The following INPP4B variants were observed in gnomAD, a reference collection of about 807,000 sequenced individuals.
The protein encoded by INPP4B is inositol polyphosphate 4-phosphatase type II.
INPP4B carries 55 observed loss-of-function variants against 122.5 expected under a neutral mutation model. The ratio of observed to expected loss-of-function variants is 0.45; its 90% CI spans 0.36 to 0.56. The LOEUF is 0.56. INPP4B is among the 20% of genes least tolerant of loss of function. INPP4B has a pLI of 0.00. For missense variants in INPP4B, 1,000 were observed against 1,097.7 expected, an observed-to-expected ratio of 0.91 and a Z score of 1.26; for synonymous variants, 403 against 388.7, an observed-to-expected ratio of 1.04 and a Z score of -0.43.
chr4:142,476,499 T>G (rs1353788686), intron 2 of INPP4B, among the ~76,000 whole-genome samples: 1 of 151,990 alleles, frequency 6.6e-6, no homozygotes, highest in Non-Finnish European at 1.5e-5. Flanking sequence ...GACTGAATGT[T>G]CCAATTAAAA....
At chr4:142,293,069 G>C (rs754755151) in intron 9 of INPP4B, among the ~76,000 whole-genome samples, 1 of 134,134 alleles carries the variant, frequency 7.5e-6, no homozygotes, top group Non-Finnish European at 1.6e-5. Flanking sequence ...ACAGAGTCTT[G>C]CTCTTGTCAC....
intron 18 of INPP4B, among the ~76,000 whole-genome samples, chr4:142,139,146 G>C (rs1473099661): frequency 6.6e-6 from 1 of 152,140 alleles, no homozygotes; most frequent in Non-Finnish European, 1.5e-5. Flanking sequence ...TGGATACAGT[G>C]ACTGGAACAG....
At chr4:142,679,006 G>C (rs780130465) in intron 2 of INPP4B, among the ~76,000 whole-genome samples, 1 of 151,808 alleles carries the variant, frequency 6.6e-6, no homozygotes, top group Non-Finnish European at 1.5e-5. Flanking sequence ...TAAAGTTTAA[G>C]GAAGAAGTCA....
At chr4:142,678,762 G>A (rs1758168533) in intron 2 of INPP4B, among the ~76,000 whole-genome samples, 1 of 151,914 alleles carries the variant, frequency 6.6e-6, no homozygotes, top group Non-Finnish European at 1.5e-5. Flanking sequence ...TTAAACATGA[G>A]TAGCTGATCT....
intron 23 of INPP4B, among the ~76,000 whole-genome samples, chr4:142,096,986 T>C (rs958988818): frequency 2.0e-5 from 3 of 152,110 alleles, no homozygotes; most frequent in African/African-American, 7.2e-5. Flanking sequence ...TAGGTCAGTA[T>C]TTCTTAATCT....
At chr4:142,444,420 T>C (rs1812469210) in intron 3 of INPP4B, among the ~76,000 whole-genome samples, 1 of 152,132 alleles carries the variant, frequency 6.6e-6, no homozygotes, top group African/African-American at 2.4e-5. Flanking sequence ...TCATCTTTAC[T>C]GGTCATTAGA....
chr4:142,552,163 T>C (rs1728127833), intron 2 of INPP4B, among the ~76,000 whole-genome samples: 1 of 152,180 alleles, frequency 6.6e-6, no homozygotes, highest in Admixed American at 6.5e-5. Flanking sequence ...TTGAATGCTT[T>C]TGGCAGAAAA....
intron 7 of INPP4B, among the ~76,000 whole-genome samples, chr4:142,324,451 G>A (rs750839892): frequency 6.6e-6 from 1 of 152,050 alleles, no homozygotes; most frequent in Non-Finnish European, 1.5e-5. Context: ...CATTATACCT[G>A]ACACAGCCTC....
chr4:142,597,081 A>G (rs1327894515), intron 2 of INPP4B, among the ~76,000 whole-genome samples: 1 of 152,230 alleles, frequency 6.6e-6, no homozygotes, highest in Admixed American at 6.5e-5. Flanking sequence ...CTCTCAAAAC[A>G]CAGAGATATA....
At chr4:142,394,035 A>C (rs971420133) in intron 7 of INPP4B, among the ~76,000 whole-genome samples, 1 of 152,240 alleles carries the variant, frequency 6.6e-6, no homozygotes, top group African/African-American at 2.4e-5. Flanking sequence ...GCAGTAGATA[A>C]TATGGTTTTT....
chr4:142,293,085 C>A (rs1158226996), intron 9 of INPP4B, among the ~76,000 whole-genome samples: 2 of 146,744 alleles, frequency 1.4e-5, no homozygotes, highest in Non-Finnish European at 3.0e-5. Context: ...GTCACCCAGA[C>A]TGGAGTGCAA....
intron 1 of INPP4B, among the ~76,000 whole-genome samples, chr4:142,771,214 T>G (rs1025659003): frequency 6.6e-6 from 1 of 152,064 alleles, no homozygotes; most frequent in Non-Finnish European, 1.5e-5. Flanking sequence ...TGGGTAAATG[T>G]CACCATACCA....
At chr4:142,065,849 A>G (rs1763244609) in intron 25 of INPP4B, among the ~76,000 whole-genome samples, 1 of 152,178 alleles carries the variant, frequency 6.6e-6, no homozygotes, top group Non-Finnish European at 1.5e-5. Context: ...TACAAATAAT[A>G]CAGATGAAGA....
chr4:142,383,892 T>C, intron 7 of INPP4B: 1 of 557,580 alleles, frequency 1.8e-6, no homozygotes, highest in Admixed American at 3.2e-5. Context: ...AGGTGTGAGC[T>C]TATTATTCAT....
chr4:142,703,255 C>A (rs1364852828), intron 2 of INPP4B, among the ~76,000 whole-genome samples: 2 of 152,140 alleles, frequency 1.3e-5, no homozygotes, highest in African/African-American at 2.4e-5. Flanking sequence ...CAGCCACTTT[C>A]TCACAAATAA....
chr4:142,577,097 T>C (rs568208095), intron 2 of INPP4B, among the ~76,000 whole-genome samples: 31 of 152,174 alleles, frequency 2.0e-4, no homozygotes, highest in Non-Finnish European at 2.9e-4. Context: ...CCTAGATTTT[T>C]GCCTATTCTT....
chr4:142,244,287 CTTTTTTTTTTTTTTTTTT>C (rs56945961), intron 11 of INPP4B, among the ~76,000 whole-genome samples: 2 of 73,750 alleles, frequency 2.7e-5, no homozygotes, highest in Admixed American at 1.7e-4. Context: ...GTATATGTGC[CTTTTTTTTTTTTTTTTTT>C]TTTTTTTTTT....
intron 5 of INPP4B, among the ~76,000 whole-genome samples, chr4:142,416,530 G>A (rs761970482): frequency 6.6e-6 from 1 of 151,996 alleles, no homozygotes; most frequent in Non-Finnish European, 1.5e-5. Flanking sequence ...TTGCTCAAAT[G>A]CCAAATATTT....
chr4:142,432,940 GGGA>G (rs1397193575), intron 3 of INPP4B, among the ~76,000 whole-genome samples: 1 of 152,110 alleles, frequency 6.6e-6, no homozygotes, highest in Admixed American at 6.6e-5. Context: ...ATTTGAGGAT[GGGA>G]GGAGAAGACT....
Sources: allele counts gnomAD v4.1 joint callset (sites outside exome capture counted in the v4.1 genomes callset), GRCh38; gene constraint gnomAD v4.1.1; transcripts MANE v1.5; gene names NCBI Gene and HGNC (gene_info 2026-07-23, HGNC 2026-07-21).